The following ANO2 variants were observed in gnomAD, a reference collection of about 807,000 sequenced individuals.
ANO2 encodes anoctamin-2.
In ANO2, 101 loss-of-function variants were observed where a neutral mutation model predicts 124.2. That is an observed-to-expected ratio of 0.81 (90% CI 0.69 to 0.96). The LOEUF (loss-of-function observed/expected upper bound fraction) is 0.96, where lower values mean the gene tolerates loss of function less well. Among genes scored for constraint, ANO2 ranks in the 40% least tolerant of loss-of-function variants. The probability of loss-of-function intolerance (pLI) is 0.00; values close to 1 mark genes in which losing one functional copy is unlikely to be tolerated. For missense variants in ANO2, 1,293 were observed against 1,274.5 expected (o/e 1.01, Z -0.22); for synonymous variants, 486 against 482.5 (o/e 1.01, Z -0.09).
At chr12:5,872,861 C>G (rs963223567) in intron 3 of ANO2, among the ~76,000 whole-genome samples, 1 of 152,116 alleles carries the variant, frequency 6.6e-6, no homozygotes, top group Non-Finnish European at 1.5e-5. Flanking sequence ...CCAGGCTGAG[C>G]CCTGGTCCAC....
At position 5,914,125 on chromosome 12, in the gene ANO2, G is replaced by A. The variant is rs542218015; in HGVS notation, c.534+6915C>T. ...TGAGGCAGGAGAATCACTTGAACCC[G>A]GGAGGCGGAGGTTGCAGTGAGCCAA... On this transcript the variant is annotated intron_variant, in intron 3 of 24. Transcript: ENST00000682330. 1.1e-4 allele frequency among the ~76,000 whole-genome samples: 16 copies of A among 152,212 alleles called. No individual in the cohort carries two copies. The South Asian group carries it at 2.5e-3, about 24-fold the overall frequency.
intron 7 of ANO2, among the ~76,000 whole-genome samples, chr12:5,818,182 A>G (rs1953669246): frequency 6.8e-6 from 1 of 147,188 alleles, no homozygotes; most frequent in Non-Finnish European, 1.5e-5. Context: ...AAAGATTAAC[A>G]TTTGAGTCAG....
chr12:5,660,995 C>A (rs1001275667), intron 14 of ANO2, among the ~76,000 whole-genome samples: 2 of 152,218 alleles, frequency 1.3e-5, no homozygotes, highest in Non-Finnish European at 2.9e-5. Flanking sequence ...AACCTCTCAA[C>A]AGTTTGAGAA....
At chr12:5,715,630 T>C (rs936090913) in intron 14 of ANO2, among the ~76,000 whole-genome samples, 2 of 152,204 alleles carry the variant, frequency 1.3e-5, no homozygotes, top group Middle Eastern at 3.2e-3. Context: ...GGGAGAGCTC[T>C]TGGACATGGA....
At chr12:5,595,753 G>A (rs2136876008) in intron 20 of ANO2, among the ~76,000 whole-genome samples, 1 of 152,322 alleles carries the variant, frequency 6.6e-6, no homozygotes, top group African/African-American at 2.4e-5. Flanking sequence ...ACTGGGGCTT[G>A]ACCTGGGAAG....
At chr12:5,739,868 C>G (rs1434494321) in intron 12 of ANO2, 1 of 456,310 alleles carries the variant, frequency 2.2e-6, no homozygotes, top group South Asian at 1.5e-5. Context: ...CCCTAATCAT[C>G]TCATTCTGAG....
Position 5,787,937 on chromosome 12 carries a change from C to T in ANO2, c.1055+11570G>A, listed in dbSNP as rs184216676. Among the ~76,000 whole-genome samples, 14 of 152,302 alleles carry T rather than the reference C, an allele frequency of 9.2e-5. No individual in the cohort carries two copies. Among genetic ancestry groups the T allele is most frequent in the Admixed American group, 2.0e-4 (3 of 15,302 alleles). On this transcript the variant is annotated intron_variant, in intron 10 of 24. Coordinates refer to ENST00000682330, the MANE Select transcript of ANO2 (RefSeq NM_001364791.2). This position sits in a 1 kb window ranked among gnomAD's most constrained non-coding sequence, Gnocchi z 4.2. ...CGAAACAGTCCCACCTTTTACCTGT[C>T]GTTGCACTGTGGCAGCCTGGATTTG... is the stretch of plus-strand genomic sequence containing the variant.
At chr12:5,789,106 C>A (rs1047519695) in intron 10 of ANO2, among the ~76,000 whole-genome samples, 1 of 152,096 alleles carries the variant, frequency 6.6e-6, no homozygotes, top group African/African-American at 2.4e-5. Flanking sequence ...AAGAGATCAC[C>A]GCAGGATGAA....
chr12:5,818,218 T>C (rs551646591), intron 7 of ANO2, among the ~76,000 whole-genome samples: 2 of 27,236 alleles, frequency 7.3e-5, no homozygotes, highest in East Asian at 0.038. Context: ...AGACCCACCG[T>C]TTAATCTGGT....
chr12:5,647,264 C>T (rs905074651), intron 15 of ANO2, among the ~76,000 whole-genome samples: 1 of 152,162 alleles, frequency 6.6e-6, no homozygotes, highest in African/African-American at 2.4e-5. Context: ...CAGCTGAGAC[C>T]GTCTGGGTCT....
At chr12:5,617,822 A>AT (rs1387068096) in intron 16 of ANO2, among the ~76,000 whole-genome samples, 1 of 152,092 alleles carries the variant, frequency 6.6e-6, no homozygotes, top group Non-Finnish European at 1.5e-5. Context: ...GCAGGTAGTT[A>AT]TTTTTTTGTT....
At chr12:5,779,727 A>G (rs770697560) in intron 10 of ANO2, among the ~76,000 whole-genome samples, 1 of 152,234 alleles carries the variant, frequency 6.6e-6, no homozygotes, top group Non-Finnish European at 1.5e-5. Flanking sequence ...GGAAAGGACC[A>G]AAGTGACTTA....
rs993776158 is a variant in ANO2, at chr12:5,804,614, T to C, written c.990+1438A>G. Among the ~76,000 whole-genome samples the C allele has an allele frequency of 3.3e-5, 5 of 152,228 alleles. No individual in the cohort carries two copies. In the East Asian group the frequency reaches 9.6e-4, roughly 29 times the overall value. ...CTATTCTACCAGGTGGAGTGGACCC[T>C]GACTTCATTATATCAGCCAAAGAGA... On this transcript the variant is annotated intron_variant, in intron 9 of 24. Transcript: ENST00000682330.
chr12:5,829,601 T>G (rs1369909934), intron 6 of ANO2, among the ~76,000 whole-genome samples: 3 of 152,202 alleles, frequency 2.0e-5, no homozygotes, highest in Non-Finnish European at 4.4e-5. Flanking sequence ...AGTTCTTTGG[T>G]AAGGATCAAT....
chr12:5,880,344 C>T (rs1938397269), intron 3 of ANO2, among the ~76,000 whole-genome samples: 1 of 151,394 alleles, frequency 6.6e-6, no homozygotes, highest in South Asian at 2.1e-4. Flanking sequence ...TGAGAGTCAT[C>T]GTAGGTAGTT....
At chr12:5,640,727 G>GA (rs1946320177) in intron 15 of ANO2, among the ~76,000 whole-genome samples, 1 of 152,188 alleles carries the variant, frequency 6.6e-6, no homozygotes, top group African/African-American at 2.4e-5. Context: ...GGAAACAACA[G>GA]ATGCTGGAGA....
intron 16 of ANO2, among the ~76,000 whole-genome samples, chr12:5,624,743 C>T (rs1012471293): frequency 5.3e-5 from 8 of 152,066 alleles, no homozygotes; most frequent in African/African-American, 1.4e-4. Context: ...AGGGTGAGGG[C>T]GACAACTGCA....
At chr12:5,634,643 C>T (rs573104942) in intron 16 of ANO2, among the ~76,000 whole-genome samples, 1 of 152,278 alleles carries the variant, frequency 6.6e-6, no homozygotes, top group East Asian at 1.9e-4. Context: ...GTCTGATATG[C>T]CTCTTTGAAG....
chr12:5,945,292 A>C (rs997823053), upstream of ANO2: 565 of 1,222,912 alleles, frequency 4.6e-4, 1 homozygote, highest in Non-Finnish European at 5.7e-4. Context: ...GGCTAATTCC[A>C]TCGCGGCTCA....
Sources: allele counts gnomAD v4.1 joint callset (sites outside exome capture counted in the v4.1 genomes callset), GRCh38; gene constraint gnomAD v4.1.1; non-coding constraint Gnocchi (gnomAD v3.1); transcripts MANE v1.5; gene names NCBI Gene and HGNC (gene_info 2026-07-23, HGNC 2026-07-21).